CACNA1A: variants seen among roughly 807,000 people sequenced by gnomAD.
CACNA1A encodes voltage-dependent P/Q-type calcium channel subunit alpha-1A.
CACNA1A carries 57 observed loss-of-function variants against 262.4 expected under a neutral mutation model. That is an observed-to-expected ratio of 0.22 (90% CI 0.18 to 0.27). The LOEUF is 0.27. CACNA1A is among the 10% of genes least tolerant of loss of function. CACNA1A has a pLI of 1.00. For synonymous variants in CACNA1A, 1,431 were observed against 1,419.3 expected (o/e 1.01, Z -0.18); for missense variants, 2,526 against 3,562.8 (o/e 0.71, Z 7.41).
chr19:13,228,091 A>G (rs1339212395), intron 36 of CACNA1A, among the ~76,000 whole-genome samples: 1 of 151,336 alleles, frequency 6.6e-6, no homozygotes, highest in Non-Finnish European at 1.5e-5. Flanking sequence ...TTTTTTATAG[A>G]GAAGGGGGTT....
rs758304975 is a variant in CACNA1A, at chr19:13,300,508, T to C, written c.2279+42A>G. ...ATCTGTGCCTGGGATAGTGTGGACG[T>C]TCAGGAGCCAGGGTAGCATCCCAGG... is the stretch of plus-strand genomic sequence containing the variant. On this transcript the variant is annotated intron_variant, in intron 18 of 46. Transcript: ENST00000360228. The C allele has an allele frequency of 2.2e-6, 3 of 1,392,340 alleles. No homozygotes were observed. In the African/African-American group the frequency reaches 4.2e-5, roughly 20 times the overall value. 86.2% of individuals were successfully genotyped at this position (1,392,340 alleles called of 1,614,324 possible).
At chr19:13,262,692 T>C in intron 25 of CACNA1A, 42 bp downstream of exon 25, 2 of 1,255,532 alleles carry the variant, frequency 1.6e-6, no homozygotes, top group Non-Finnish European at 2.3e-6. Flanking sequence ...ATGATAACCC[T>C]GACAGTCCCC....
chr19:13,323,279 A>AAAAC (rs570449419), intron 10 of CACNA1A, among the ~76,000 whole-genome samples: 1 of 151,690 alleles, frequency 6.6e-6, no homozygotes, highest in East Asian at 1.9e-4. Context: ...CAAAAAACAA[A>AAAAC]AAACAAACAA....
rs2057331138 is a variant in CACNA1A, at chr19:13,283,274, C to T, written c.3815G>A (p.Arg1272Gln). ...GTGCTCTGTGGGACTCACGTTGTTCCGAGGTGCGTTGGGCTGCACAGGGTC... is the reference window on the plus strand; with the variant it reads ...GTGCTCTGTGGGACTCACGTTGTTCTGAGGTGCGTTGGGCTGCACAGGGTC... Reference protein sequence around the residue: ...AEDPVQPNAPRNNVLRYFDYV... With the variant: ...AEDPVQPNAPQNNVLRYFDYV... The change falls in exon 22 of 47, where the codon CGG becomes CAG. Residue 1272 changes from arginine (R) to glutamine (Q), a missense_variant. Physicochemically the swap from Arg to Gln is conservative, Grantham distance 43. This residue lies in a region of CACNA1A where 137 missense variants were observed against 377.7 expected (regional missense o/e 0.36). Transcript: ENST00000360228. The T allele has an allele frequency of 4.3e-6, 7 of 1,613,840 alleles. No homozygotes were observed. The highest frequency in any genetic ancestry group is 5.1e-6 in the Non-Finnish European group (6 of 1,179,768).
At position 13,464,543 on chromosome 19, in the gene CACNA1A, A is replaced by ATTTT. The variant is rs540418372; in HGVS notation, c.294-9335_294-9332dup. Reference sequence around the variant, plus strand: ...CTGCTAATAGTAAATAACTTTTCCAATTTTTTTTTTTTTTTTTTTTTTAGA... The same window carrying ATTTT: ...CTGCTAATAGTAAATAACTTTTCCAATTTTTTTTTTTTTTTTTTTTTTTTTTAGA... On this transcript the variant is annotated intron_variant, in intron 1 of 46. Coordinates refer to ENST00000360228, the MANE Select transcript of CACNA1A (RefSeq NM_001127222.2). Among the ~76,000 whole-genome samples, 136 of 128,940 alleles carry ATTTT rather than the reference A, an allele frequency of 1.1e-3. 4 individuals carry two copies. The highest frequency in any genetic ancestry group is 3.6e-3 in the African/African-American group (115 of 32,070). 84.6% of individuals were successfully genotyped at this position (128,940 alleles called of 152,430 possible).
chr19:13,359,361 T>C (rs1379023623), intron 6 of CACNA1A, among the ~76,000 whole-genome samples: 1 of 152,164 alleles, frequency 6.6e-6, no homozygotes, highest in Non-Finnish European at 1.5e-5. Flanking sequence ...ACTTGCACAA[T>C]GAAAAATGAT....
At chr19:13,304,646 G>T (rs1485999746) in intron 15 of CACNA1A, among the ~76,000 whole-genome samples, 2 of 93,108 alleles carry the variant, frequency 2.1e-5, no homozygotes, top group Non-Finnish European at 4.0e-5. Flanking sequence ...ATTTTTTTTT[G>T]AGATTTTTGT....
chr19:13,266,630 G>A (rs185328609), intron 24 of CACNA1A, among the ~76,000 whole-genome samples: 21 of 152,090 alleles, frequency 1.4e-4, no homozygotes, highest in Non-Finnish European at 3.1e-4. Flanking sequence ...GTGGAGTGCA[G>A]TGGTGCAATC....
chr19:13,244,950 T>A (rs929185050), intron 31 of CACNA1A: 2 of 566,166 alleles, frequency 3.5e-6, no homozygotes, highest in Admixed American at 6.0e-5. Flanking sequence ...AGCCCACCCC[T>A]CAGTGCTGGC....
At chr19:13,469,046 G>C (rs2061302804) in intron 1 of CACNA1A, among the ~76,000 whole-genome samples, 1 of 152,084 alleles carries the variant, frequency 6.6e-6, no homozygotes, top group Admixed American at 6.5e-5. Context: ...GTGAGGTGAG[G>C]AGGGCTCCCT....
intron 1 of CACNA1A, among the ~76,000 whole-genome samples, chr19:13,466,561 G>C (rs181416048): frequency 6.6e-6 from 1 of 151,890 alleles, no homozygotes. Flanking sequence ...GACTGGTCTC[G>C]AACTCCTGAC....
chr19:13,413,141 C>G (rs55909531), intron 3 of CACNA1A, among the ~76,000 whole-genome samples: 54,934 of 149,658 alleles, frequency 0.37, 10,537 homozygotes, highest in South Asian at 0.51. Flanking sequence ...GTCTCGCGCT[C>G]TGTCGCCCAG....
At chr19:13,208,518 G>A (rs1200227122) in intron 46 of CACNA1A, among the ~76,000 whole-genome samples, 3 of 151,024 alleles carry the variant, frequency 2.0e-5, no homozygotes, top group South Asian at 4.2e-4. Context: ...TGCGGGCGGC[G>A]GGGAGGGGGC....
At chr19:13,325,970 C>T (rs758412731) in intron 10 of CACNA1A, among the ~76,000 whole-genome samples, 7 of 152,104 alleles carry the variant, frequency 4.6e-5, no homozygotes, top group African/African-American at 1.4e-4. Flanking sequence ...TTAATACAGT[C>T]GCCAGGCTGT....
In CACNA1A at chr19:13,312,680, A is replaced by C. The variant is rs2058057178; in HGVS notation, c.1657T>G (p.Phe553Val). ...ACAAGAGCACTTACCCCACAGTCAA[A>C]GCAGTTGAAGGAAGAGTGGAAGTAA... ...RPYFHSSFNC[F>V]DCGVIIGSIF... The change falls in exon 12 of 47, where the codon TTT becomes GTT. Residue 553 changes from phenylalanine (F) to valine (V), a missense_variant. Phe to Val is a conservative substitution (Grantham distance 50). Transcript: ENST00000360228. 1 of 1,583,568 alleles carries C rather than the reference A, an allele frequency of 6.3e-7. No individual in the cohort carries two copies.
intron 6 of CACNA1A, among the ~76,000 whole-genome samples, chr19:13,345,496 C>T (rs1365251540): frequency 1.3e-5 from 2 of 152,166 alleles, no homozygotes; most frequent in South Asian, 2.1e-4. Flanking sequence ...TCCATAAATA[C>T]TCATCAAACA....
intron 10 of CACNA1A, among the ~76,000 whole-genome samples, chr19:13,328,691 G>C (rs907057599): frequency 2.6e-5 from 4 of 152,170 alleles, no homozygotes; most frequent in Admixed American, 6.6e-5. Context: ...GAAATTATTG[G>C]AAACAACTCA....
intron 1 of CACNA1A, among the ~76,000 whole-genome samples, chr19:13,457,605 CT>C (rs2061037168): frequency 6.6e-6 from 1 of 152,118 alleles, no homozygotes; most frequent in Non-Finnish European, 1.5e-5. Context: ...AATCCCAGCA[CT>C]TTGGAAGGCC....
At chr19:13,248,570 C>T (rs372703190) in intron 30 of CACNA1A, among the ~76,000 whole-genome samples, 12 of 150,602 alleles carry the variant, frequency 8.0e-5, no homozygotes, top group Admixed American at 2.0e-4. Flanking sequence ...AGGCTAGGTA[C>T]GGTGGCTCAT....
Sources: allele counts gnomAD v4.1 joint callset (sites outside exome capture counted in the v4.1 genomes callset), GRCh38; gene constraint gnomAD v4.1.1; regional missense constraint gnomAD v4.1.1; transcripts MANE v1.5; gene names NCBI Gene and HGNC (gene_info 2026-07-23, HGNC 2026-07-21).